IL12RB1: variants seen among roughly 807,000 people sequenced by gnomAD.
The protein encoded by IL12RB1 is interleukin 12 receptor subunit beta 1, also known as interleukin-12 receptor subunit beta-1.
A neutral mutation model predicts 94.4 loss-of-function variants in IL12RB1; 64 were observed. That is an observed-to-expected ratio of 0.68 (90% CI 0.55 to 0.83). The LOEUF is 0.83. Among genes scored for constraint, IL12RB1 ranks in the 40% least tolerant of loss-of-function variants. The pLI is 0.00. For missense variants in IL12RB1, 814 were observed against 855.6 expected, an observed-to-expected ratio of 0.95 and a Z score of 0.61; for synonymous variants, 362 against 355.5, an observed-to-expected ratio of 1.02 and a Z score of -0.21.
chr19:18,078,535 G>A (rs187330001), intron 4 of IL12RB1, among the ~76,000 whole-genome samples: 1,706 of 151,832 alleles, frequency 0.011, 34 homozygotes, highest in African/African-American at 0.039. Context: ...GTGAAGAGAC[G>A]GGCACTTTTG....
intron 2 of IL12RB1, chr19:18,083,205 T>G: frequency 3.2e-6 from 2 of 629,732 alleles, no homozygotes; most frequent in Non-Finnish European, 5.8e-6. Context: ...ACACCAGCCC[T>G]GAGACCATGC....
In IL12RB1 at chr19:18,068,508, C is replaced by G. The variant is rs202048215; in HGVS notation, c.1208G>C (p.Arg403Pro). 2.5e-6 allele frequency: 4 copies of G among 1,612,684 alleles called. No individual in the cohort carries two copies. Among genetic ancestry groups the G allele is most frequent in the African/African-American group, 2.7e-5 (2 of 74,808 alleles). ...PAGMATYSWS[R>P]ESGAMGQEKC... Reference sequence around the variant, plus strand: ...TTCCTGCCCCATTGCCCCAGACTCTCGACTCCAGCTGTAGGTTGCTGGAAG... The same window carrying G: ...TTCCTGCCCCATTGCCCCAGACTCTGGACTCCAGCTGTAGGTTGCTGGAAG... The change falls in exon 11 of 17, where the codon CGA becomes CCA. Residue 403 changes from arginine (R) to proline (P), a missense_variant. By Grantham distance (103) the Arg-to-Pro change is moderately radical. Transcript: ENST00000593993.
intron 1 of IL12RB1, among the ~76,000 whole-genome samples, chr19:18,096,425 C>T (rs1000093999): frequency 1.3e-5 from 2 of 152,048 alleles, no homozygotes; most frequent in African/African-American, 4.8e-5. Context: ...ACAACTGCAG[C>T]GGCTACCTGC....
At chr19:18,066,916 A>G (rs2034625573) in intron 11 of IL12RB1, among the ~76,000 whole-genome samples, 1 of 151,830 alleles carries the variant, frequency 6.6e-6, no homozygotes, top group South Asian at 2.1e-4. Flanking sequence ...AATCCCAGCT[A>G]CTCAGGAGGC....
At chr19:18,062,900 C>A (rs767182515) in intron 13 of IL12RB1, among the ~76,000 whole-genome samples, 2 of 151,566 alleles carry the variant, frequency 1.3e-5, no homozygotes, top group Non-Finnish European at 1.5e-5. Flanking sequence ...CCAGTTGGTT[C>A]TCTTGGAACT....
At position 18,059,137 on chromosome 19, in the gene IL12RB1, G is replaced by T; in HGVS notation, c.*471C>A. On this transcript the variant is annotated 3_prime_UTR_variant, in exon 17 of 17. Coordinates refer to ENST00000593993, the MANE Select transcript of IL12RB1 (RefSeq NM_005535.3). ...ATCACCACCCCCATTTTATAGGGGG[G>T]TGAGGGTGGGGTGGGGGGTGGGATG... 1 of 156,994 alleles carries T rather than the reference G, an allele frequency of 6.4e-6. No individual in the cohort carries two copies. Among genetic ancestry groups the T allele is most frequent in the Non-Finnish European group, 1.3e-5 (1 of 79,730 alleles). The allele number at this position is 156,994 out of a possible 1,614,324, so 9.7% of individuals were successfully genotyped here. A position where few individuals can be genotyped will look rare whatever the true frequency, so the allele number is the denominator to read the frequency against.
intron 1 of IL12RB1, among the ~76,000 whole-genome samples, chr19:18,084,950 G>T (rs1248043895): frequency 6.6e-6 from 1 of 152,220 alleles, no homozygotes; most frequent in Non-Finnish European, 1.5e-5. Flanking sequence ...AGGGTGCATG[G>T]CAGGGAGAGG....
rs139288960 is a variant in IL12RB1 at position 18,076,009 on chromosome 19, A to G, written c.581-141T>C. 5.7e-4 allele frequency: 471 copies of G among 827,998 alleles called. 3 individuals are homozygous for G. The African/African-American group carries it at 7.1e-3, about 12-fold the overall frequency. 51.3% of individuals were successfully genotyped at this position (827,998 alleles called of 1,614,324 possible). On this transcript the variant is annotated intron_variant, in intron 6 of 16. Coordinates refer to ENST00000593993, the MANE Select transcript of IL12RB1 (RefSeq NM_005535.3). ...CCTGGGGGCTCAGCAGAAGCAGGCC[A>G]GGCCCTGTCCTCTTAGGGCCTCCAG...
intron 1 of IL12RB1, among the ~76,000 whole-genome samples, chr19:18,094,409 A>G (rs754452075): frequency 1.2e-4 from 18 of 152,156 alleles, no homozygotes; most frequent in East Asian, 5.8e-4. Context: ...GATTACAGAC[A>G]TGAGCCAGCA....
intron 9 of IL12RB1, among the ~76,000 whole-genome samples, chr19:18,071,867 G>A (rs145463230): frequency 7.9e-5 from 12 of 152,246 alleles, no homozygotes; most frequent in African/African-American, 2.4e-4. Context: ...GTTTCACCAC[G>A]TTGGCCAGAC....
At chr19:18,069,165 A>G (rs919288143) in intron 10 of IL12RB1, among the ~76,000 whole-genome samples, 1 of 152,292 alleles carries the variant, frequency 6.6e-6, no homozygotes, top group African/African-American at 2.4e-5. Context: ...AGGAAGCGGG[A>G]GAGTGAGAGG....
chr19:18,072,370 A>AGCTTG, intron 8 of IL12RB1, 21 bp from the exon 9 acceptor site: 2 of 1,493,772 alleles, frequency 1.3e-6, no homozygotes, highest in Admixed American at 3.3e-5. Context: ...TATGAAAGAC[A>AGCTTG]GCTTGTGGGT....
At chr19:18,074,348 T>C (rs2035290996) in intron 7 of IL12RB1, among the ~76,000 whole-genome samples, 1 of 152,138 alleles carries the variant, frequency 6.6e-6, no homozygotes. Context: ...CTCATTTTCC[T>C]GTTGCCCAGG....
chr19:18,077,483 C>G, intron 5 of IL12RB1, 33 bp downstream of exon 5: 5 of 1,573,086 alleles, frequency 3.2e-6, no homozygotes, highest in Non-Finnish European at 3.5e-6. Context: ...TGGAGAGGCC[C>G]GTGTCCACCC....
At chr19:18,093,599 T>G (rs2036745682) in intron 1 of IL12RB1, among the ~76,000 whole-genome samples, 1 of 152,120 alleles carries the variant, frequency 6.6e-6, no homozygotes, top group Admixed American at 6.6e-5. Context: ...TTCCCCAGGA[T>G]TCCAGTCAAA....
At chr19:18,097,609 C>T (rs2037057570) in intron 1 of IL12RB1, among the ~76,000 whole-genome samples, 1 of 152,182 alleles carries the variant, frequency 6.6e-6, no homozygotes, top group African/African-American at 2.4e-5. Flanking sequence ...ATATTTACTT[C>T]TGCGCTCTGC....
At chr19:18,065,824 G>A (rs577797070) in intron 12 of IL12RB1, among the ~76,000 whole-genome samples, 1,516 of 148,542 alleles carry the variant, frequency 0.01, 19 homozygotes, top group African/African-American at 0.035. Flanking sequence ...CTCTCAAAAA[G>A]AAAAAAAAGA....
At chr19:18,093,042 T>G (rs1353162805) in intron 1 of IL12RB1, among the ~76,000 whole-genome samples, 2 of 151,878 alleles carry the variant, frequency 1.3e-5, no homozygotes, top group South Asian at 4.1e-4. Context: ...CAGTGGCTCA[T>G]GCCTGTAATC....
chr19:18,073,340 TCA>T, intron 8 of IL12RB1, among the ~76,000 whole-genome samples, 175 bp downstream of exon 8: 1 of 151,928 alleles, frequency 6.6e-6, no homozygotes. Flanking sequence ...CCTCTCCTGC[TCA>T]CACACACACT....
Sources: gnomAD v4.1 joint callset for allele counts (sites outside exome capture counted in the v4.1 genomes callset) on GRCh38, gnomAD v4.1.1 for gene constraint, MANE v1.5 for transcripts, NCBI Gene and HGNC (gene_info 2026-07-23, HGNC 2026-07-21) for gene names.